Variants in HNF4G observed in about 807,000 individuals in gnomAD.
The protein encoded by HNF4G is hepatocyte nuclear factor 4 gamma.
In HNF4G, 21 loss-of-function variants were observed where a neutral mutation model predicts 50.9. That is an observed-to-expected ratio of 0.41 (90% CI 0.29 to 0.59). HNF4G has a LOEUF of 0.59. Ranked by LOEUF, HNF4G falls within the 20% of genes least tolerant of loss-of-function variation. The pLI is 0.26. For synonymous variants in HNF4G, 198 were observed against 185.6 expected (o/e 1.07, Z -0.54); for missense variants, 527 against 559.4 (o/e 0.94, Z 0.58).
At chr8:75,471,405 T>C (rs146557542) in intron 1 of HNF4G, among the ~76,000 whole-genome samples, 81 of 152,292 alleles carry the variant, frequency 5.3e-4, no homozygotes, top group African/African-American at 1.9e-3. Flanking sequence ...AATCACCACC[T>C]GGAATTTTAT....
At chr8:75,464,980 G>T (rs1585866889) in intron 1 of HNF4G, among the ~76,000 whole-genome samples, 2 of 152,154 alleles carry the variant, frequency 1.3e-5, no homozygotes, top group South Asian at 2.1e-4. Flanking sequence ...TCTAATCCTT[G>T]TCTGGATTAG....
chr8:75,480,512 G>A (rs529956681), intron 1 of HNF4G, among the ~76,000 whole-genome samples: 61 of 152,260 alleles, frequency 4.0e-4, no homozygotes, highest in African/African-American at 1.3e-3. Flanking sequence ...GGTGAAGTAA[G>A]TCCAACTTTA....
chr8:75,427,227 G>T (rs938021485), intron 1 of HNF4G, among the ~76,000 whole-genome samples: 1 of 152,104 alleles, frequency 6.6e-6, no homozygotes, highest in South Asian at 2.1e-4. Context: ...AGGCTGTGAT[G>T]TTGAACATCT....
intron 1 of HNF4G, among the ~76,000 whole-genome samples, chr8:75,487,253 T>G (rs1003022400): frequency 1.5e-5 from 2 of 135,152 alleles, no homozygotes; most frequent in African/African-American, 5.6e-5. Context: ...ATTCTTATAT[T>G]TTTTTATTTT....
At chr8:75,547,566 T>G in intron 2 of HNF4G, 21 bp from the exon 3 acceptor site, 1 of 1,478,802 alleles carries the variant, frequency 6.8e-7, no homozygotes, top group Non-Finnish European at 9.4e-7. Context: ...TTCTGCAAAC[T>G]GATATATCTT....
At position 75,564,213 on chromosome 8, in the gene HNF4G, T is replaced by C. The variant is rs1282921313; in HGVS notation, c.*117T>C. On this transcript the variant is annotated 3_prime_UTR_variant, in exon 10 of 10. Transcript: ENST00000396423. ...CAAGGCTTCTTCATTGGTGCTGTTA[T>C]AAGATGGTGTCCTATTTTCTTGTTT... is the stretch of plus-strand genomic sequence containing the variant. The C allele has an allele frequency of 9.6e-7, 1 of 1,038,604 alleles. No homozygotes were observed. The highest frequency in any genetic ancestry group is 2.2e-5 in the Admixed American group (1 of 44,714). The allele number at this position is 1,038,604 out of a possible 1,614,324, so 64.3% of individuals were successfully genotyped here.
At chr8:75,535,262 C>T (rs1184063731), upstream of HNF4G, among the ~76,000 whole-genome samples, 5 of 151,500 alleles carry the variant, frequency 3.3e-5, no homozygotes, top group Admixed American at 3.3e-4. Flanking sequence ...CTTGTTTTCC[C>T]CCATCAAAAT....
At chr8:75,410,956 T>C (rs1810486351) in intron 1 of HNF4G, among the ~76,000 whole-genome samples, 1 of 152,220 alleles carries the variant, frequency 6.6e-6, no homozygotes, top group Non-Finnish European at 1.5e-5. Flanking sequence ...TAATTCTTAT[T>C]GAATACTTAA....
intron 2 of HNF4G, among the ~76,000 whole-genome samples, chr8:75,494,334 A>G (rs997055152): frequency 2.6e-5 from 4 of 151,010 alleles, no homozygotes; most frequent in Non-Finnish European, 4.4e-5. Context: ...ACACACACAC[A>G]CACACACACA....
chr8:75,533,344 C>A, intron 2 of HNF4G, among the ~76,000 whole-genome samples: 1 of 152,010 alleles, frequency 6.6e-6, no homozygotes, highest in East Asian at 1.9e-4. Flanking sequence ...ATACCAGCTT[C>A]TACCTCCAGA....
At chr8:75,529,914 C>A (rs114079154) in intron 2 of HNF4G, among the ~76,000 whole-genome samples, 5 of 152,036 alleles carry the variant, frequency 3.3e-5, no homozygotes, top group African/African-American at 1.2e-4. Context: ...TTTTATCCAA[C>A]CACCATTCAC....
At chr8:75,432,167 G>C (rs958418773) in intron 1 of HNF4G, among the ~76,000 whole-genome samples, 2 of 151,932 alleles carry the variant, frequency 1.3e-5, no homozygotes, top group African/African-American at 4.8e-5. Flanking sequence ...AGAGGGGATA[G>C]CTTGAGCCCA....
At chr8:75,523,143 T>C (rs1806089711) in intron 2 of HNF4G, among the ~76,000 whole-genome samples, 1 of 151,990 alleles carries the variant, frequency 6.6e-6, no homozygotes, top group Non-Finnish European at 1.5e-5. Context: ...GAGAATTGCT[T>C]GAGCCTGGGA....
intron 1 of HNF4G, among the ~76,000 whole-genome samples, chr8:75,429,228 CAT>C (rs1174237914): frequency 6.6e-6 from 1 of 152,198 alleles, no homozygotes; most frequent in African/African-American, 2.4e-5. Context: ...GTACACCTAA[CAT>C]GTGTGCATCT....
At chr8:75,543,431 A>T (rs1213905200) in intron 1 of HNF4G, among the ~76,000 whole-genome samples, 1 of 152,186 alleles carries the variant, frequency 6.6e-6, no homozygotes, top group African/African-American at 2.4e-5. Context: ...TACAATTCTG[A>T]TTAGATTTCA....
At chr8:75,485,177 A>G (rs1001833437) in intron 1 of HNF4G, among the ~76,000 whole-genome samples, 4 of 152,222 alleles carry the variant, frequency 2.6e-5, no homozygotes, top group Non-Finnish European at 4.4e-5. Context: ...GTAGAATTGC[A>G]CTGGTTCTTA....
intron 3 of HNF4G, among the ~76,000 whole-genome samples, chr8:75,550,017 CTCTT>C (rs1351312160): frequency 6.6e-6 from 1 of 152,108 alleles, no homozygotes; most frequent in Admixed American, 6.6e-5. Context: ...AGACAACTCA[CTCTT>C]TCTTAAAAGC....
At chr8:75,535,870 A>G (rs985585109), upstream of HNF4G, among the ~76,000 whole-genome samples, 80 of 152,064 alleles carry the variant, frequency 5.3e-4, no homozygotes, top group African/African-American at 1.9e-3. Flanking sequence ...TTCTGCTATT[A>G]TCTTGAAGAA....
At chr8:75,514,402 G>C (rs75505314) in intron 2 of HNF4G, among the ~76,000 whole-genome samples, 1 of 133,394 alleles carries the variant, frequency 7.5e-6, no homozygotes, top group Non-Finnish European at 1.6e-5. Context: ...GTCTAGGTTA[G>C]AGTGTAATGG....
Sources: allele counts gnomAD v4.1 joint callset (sites outside exome capture counted in the v4.1 genomes callset), GRCh38; gene constraint gnomAD v4.1.1; transcripts MANE v1.5; gene names NCBI Gene and HGNC (gene_info 2026-07-23, HGNC 2026-07-21).